The following PCDH11X variants were observed in gnomAD, a reference collection of about 807,000 sequenced individuals.
PCDH11X encodes protocadherin-11 X-linked.
PCDH11X carries 18 observed loss-of-function variants against 53.3 expected under a neutral mutation model. The observed-to-expected ratio is 0.34, with a 90% CI of 0.23 to 0.50. The LOEUF (loss-of-function observed/expected upper bound fraction) is 0.50. Among genes scored for constraint, PCDH11X ranks in the 20% least tolerant of loss-of-function variants. PCDH11X has a pLI of 0.98. For synonymous variants in PCDH11X, 279 were observed against 393.3 expected (o/e 0.71, Z 3.44); for missense variants, 570 against 1,032.4 (o/e 0.55, Z 6.14).
At chrX:92,376,669 G>C (rs1401456699) in intron 8 of PCDH11X, among the ~76,000 whole-genome samples, 1 of 111,842 alleles carries the variant, frequency 8.9e-6, no homozygotes, top group Non-Finnish European at 1.9e-5. Flanking sequence ...AATGTTCGGA[G>C]TGCGCTACTC....
chrX:92,430,115 G>A (rs2072218043), intron 9 of PCDH11X, among the ~76,000 whole-genome samples: 1 of 97,364 alleles, frequency 1.0e-5, no homozygotes, highest in East Asian at 2.9e-4. Context: ...ACATTTTACC[G>A]AACTTCAGGA....
chrX:92,053,948 C>T (rs2063403297), intron 6 of PCDH11X, among the ~76,000 whole-genome samples: 1 of 111,502 alleles, frequency 9.0e-6, no homozygotes, highest in African/African-American at 3.3e-5. Flanking sequence ...CATGGTTGTT[C>T]TCAGAACTGT....
At chrX:92,229,807 TG>T (rs1173056818) in intron 7 of PCDH11X, among the ~76,000 whole-genome samples, 1 of 111,274 alleles carries the variant, frequency 9.0e-6, no homozygotes, top group Admixed American at 9.6e-5. Context: ...TCTGGAAACA[TG>T]ACCAAACTTA....
At chrX:92,085,360 T>A (rs1172780927) in intron 6 of PCDH11X, among the ~76,000 whole-genome samples, 3 of 110,341 alleles carry the variant, frequency 2.7e-5, no homozygotes, top group Non-Finnish European at 5.7e-5. Flanking sequence ...AGGCTCCTGC[T>A]TATTTAATTT....
chrX:92,555,865 C>A (rs1198426362), intron 10 of PCDH11X, among the ~76,000 whole-genome samples: 2 of 111,445 alleles, frequency 1.8e-5, no homozygotes, highest in African/African-American at 3.3e-5. Context: ...TGATGAAATA[C>A]CCAAAACTGG....
chrX:92,209,054 C>A (rs980412339), intron 7 of PCDH11X, among the ~76,000 whole-genome samples: 3 of 111,281 alleles, frequency 2.7e-5, no homozygotes, highest in Non-Finnish European at 5.7e-5. Context: ...CAATCACCTT[C>A]TACCAGGTCC....
intron 10 of PCDH11X, among the ~76,000 whole-genome samples, chrX:92,553,125 A>G (rs1199910274): frequency 9.3e-6 from 1 of 107,461 alleles, no homozygotes; most frequent in Non-Finnish European, 1.9e-5. Context: ...TCTATTTTTA[A>G]GAATTGTTTG....
At chrX:92,271,974 C>A (rs1483697924) in intron 8 of PCDH11X, among the ~76,000 whole-genome samples, 1 of 111,903 alleles carries the variant, frequency 8.9e-6, no homozygotes, top group Non-Finnish European at 1.9e-5. Flanking sequence ...AGATCAGACT[C>A]ATGGAGGCGG....
In PCDH11X at chrX:92,435,555, G is replaced by C. The variant is rs759923079; in HGVS notation, c.3344-32744G>C. ...AGAGAAGGGGCAGATCATCTACAAA[G>C]AGAATCCTTTCTGGCTAACAGCAGA... On this transcript the variant is annotated intron_variant, in intron 9 of 10. Coordinates refer to ENST00000682573, the MANE Select transcript of PCDH11X (RefSeq NM_032968.5). Among the ~76,000 whole-genome samples, 3 of 111,455 alleles carry C rather than the reference G, an allele frequency of 2.7e-5. No homozygotes were observed. The South Asian group carries it at 1.1e-3, about 42-fold the overall frequency.
rs1160866218 is a variant in PCDH11X at position 92,326,622 on chromosome X, C to CTATATATA, written c.3145-61102_3145-61095dup. Among the ~76,000 whole-genome samples the CTATATATA allele has an allele frequency of 6.5e-5, 3 of 45,802 alleles. 1 individual carries two copies. The highest frequency in any genetic ancestry group is 4.4e-4 in the African/African-American group (3 of 6,761). 39.8% of individuals were successfully genotyped at this position (45,802 alleles called of 115,157 possible). A position where few individuals can be genotyped will look rare whatever the true frequency, so the allele number is the denominator to read the frequency against. On this transcript the variant is annotated intron_variant, in intron 8 of 10. Transcript: ENST00000682573. ...ATTATTTTCAATTATTTTTAATAAA[C>CTATATATA]TATATATATATATATATAGAGAGAG...
chrX:92,584,789 C>CTTTTTTTT (rs1171667582), intron 10 of PCDH11X, among the ~76,000 whole-genome samples: 2 of 65,113 alleles, frequency 3.1e-5, no homozygotes, highest in Non-Finnish European at 5.2e-5. Context: ...TCTTTTTTTC[C>CTTTTTTTT]TTTTTTTTTT....
chrX:92,207,690 A>G (rs1000147237), intron 7 of PCDH11X, among the ~76,000 whole-genome samples: 1 of 111,777 alleles, frequency 8.9e-6, no homozygotes. Context: ...CTGCTGTAGA[A>G]TATATGGGAG....
At chrX:92,216,464 G>C (rs1432888422) in intron 7 of PCDH11X, among the ~76,000 whole-genome samples, 2 of 104,328 alleles carry the variant, frequency 1.9e-5, no homozygotes, top group African/African-American at 7.0e-5. Flanking sequence ...GATGGAAGAT[G>C]AAATGAATGA....
In PCDH11X at chrX:92,238,068, C is replaced by G. The variant is rs768938948; in HGVS notation, c.3115-25046C>G. ...GTGCCTTTTCTACAAGATAAATTTT[C>G]CGCATCTTTGAAATAAAGCATAGTT... is the stretch of plus-strand genomic sequence containing the variant. On this transcript the variant is annotated intron_variant, in intron 7 of 10. Transcript: ENST00000682573. Among the ~76,000 whole-genome samples the G allele has an allele frequency of 1.9e-3, 217 of 111,821 alleles. 1 individual carries two copies. The highest frequency in any genetic ancestry group is 6.7e-3 in the African/African-American group (206 of 30,935).
intron 8 of PCDH11X, among the ~76,000 whole-genome samples, chrX:92,373,723 C>T (rs1216990868): frequency 9.0e-6 from 1 of 111,454 alleles, no homozygotes; most frequent in Non-Finnish European, 1.9e-5. Flanking sequence ...TTTTAAACAG[C>T]TCATTAATAA....
intron 1 of PCDH11X, among the ~76,000 whole-genome samples, chrX:91,808,952 A>C (rs1390117205): frequency 9.3e-6 from 1 of 107,537 alleles, no homozygotes; most frequent in Admixed American, 9.8e-5. Flanking sequence ...TTAACGTATA[A>C]GGTTTGTTTA....
rs183518228 is a variant in PCDH11X at position 92,390,328 on chromosome X, A to G, written c.3343+2395A>G. Among the ~76,000 whole-genome samples, 155 of 106,674 alleles carry G rather than the reference A, an allele frequency of 1.5e-3. 1 individual carries two copies. Among genetic ancestry groups the G allele is most frequent in the African/African-American group, 5.1e-3 (149 of 29,405 alleles). 92.6% of individuals were successfully genotyped at this position (106,674 alleles called of 115,157 possible). A position where few individuals can be genotyped will look rare whatever the true frequency, so the allele number is the denominator to read the frequency against. On this transcript the variant is annotated intron_variant, in intron 9 of 10. Coordinates refer to ENST00000682573, the MANE Select transcript of PCDH11X (RefSeq NM_032968.5). ...AATAATTTACTTGAAATGAAGCTCC[A>G]TTGTCTTAATGTGTCACGGTAGTGA...
intron 7 of PCDH11X, among the ~76,000 whole-genome samples, chrX:92,207,782 A>G (rs1324265087): frequency 2.7e-5 from 3 of 111,954 alleles, no homozygotes; most frequent in Non-Finnish European, 3.8e-5. Context: ...TACAAAAAAC[A>G]TAACTGACTT....
chrX:92,276,200 G>A (rs974552637), intron 8 of PCDH11X, among the ~76,000 whole-genome samples: 98 of 108,523 alleles, frequency 9.0e-4, no homozygotes, highest in Non-Finnish European at 1.4e-3. Context: ...TTGAAAAGAA[G>A]GTAATGTGGA....
Sources: allele counts gnomAD v4.1 joint callset (sites outside exome capture counted in the v4.1 genomes callset), GRCh38; gene constraint gnomAD v4.1.1; transcripts MANE v1.5; gene names NCBI Gene and HGNC (gene_info 2026-07-23, HGNC 2026-07-21).